The following PHC1 variants were observed in gnomAD, a reference collection of about 807,000 sequenced individuals.
PHC1 encodes polyhomeotic homolog 1.
A neutral mutation model predicts 104.3 loss-of-function variants in PHC1; 12 were observed. That is an observed-to-expected ratio of 0.12 (90% CI 0.07 to 0.19). PHC1 has a LOEUF of 0.19. Among genes scored for constraint, PHC1 ranks in the 10% least tolerant of loss-of-function variants. The pLI, the probability that PHC1 is intolerant of heterozygous loss-of-function variation, is 1.00. For missense variants in PHC1, 671 were observed against 1,200.0 expected, an observed-to-expected ratio of 0.56 and a Z score of 6.51; for synonymous variants, 302 against 455.8, an observed-to-expected ratio of 0.66 and a Z score of 4.30.
At position 8,914,761 on chromosome 12, in the gene PHC1, A is replaced by G. The variant is rs1945150455; in HGVS notation, c.-115A>G. On this transcript the variant is annotated 5_prime_UTR_variant, in exon 1 of 15. Coordinates refer to ENST00000544916, the MANE Select transcript of PHC1 (RefSeq NM_004426.3). The stretch of plus-strand genomic sequence containing the variant: ...AGCGAGCCCCCAGCCCAGCCTGGCG[A>G]CTGGGGACCCCGGCACATGAGGTGG... The G allele has an allele frequency of 6.5e-6, 1 of 153,136 alleles. No individual in the cohort carries two copies. Among genetic ancestry groups the G allele is most frequent in the Non-Finnish European group, 1.5e-5 (1 of 68,104 alleles). The allele number at this position is 153,136 out of a possible 1,614,324, so 9.5% of individuals were successfully genotyped here.
intron 8 of PHC1, 21 bp from the exon 9 acceptor site, chr12:8,933,844 T>C: frequency 6.2e-7 from 1 of 1,600,642 alleles, no homozygotes; most frequent in Non-Finnish European, 8.6e-7. Flanking sequence ...CTTTGTTTCT[T>C]TCCTATTCTT....
chr12:8,926,814 C>T (rs1945524704), intron 6 of PHC1, among the ~76,000 whole-genome samples: 2 of 151,984 alleles, frequency 1.3e-5, no homozygotes, highest in Non-Finnish European at 2.9e-5. Flanking sequence ...ACTTGGGAGG[C>T]TGAGGCAGGA....
intron 6 of PHC1, among the ~76,000 whole-genome samples, chr12:8,924,246 G>A (rs995199485): frequency 6.6e-6 from 1 of 152,146 alleles, no homozygotes; most frequent in Non-Finnish European, 1.5e-5. Flanking sequence ...GGAGGCTGAG[G>A]AGGGTGGATC....
Position 8,937,258 on chromosome 12 carries a change from C to T in PHC1, c.2560C>T (p.Arg854Cys), listed in dbSNP as rs756227858. The change falls in exon 13 of 15, where the codon CGC (arginine) becomes TGC (cysteine). Residue 854 changes from arginine (R) to cysteine (C), a missense_variant. Physicochemically the swap from Arg to Cys is radical, Grantham distance 180. This residue lies in a region of PHC1 where 192 missense variants were observed against 280.5 expected (regional missense o/e 0.68). Coordinates refer to ENST00000544916, the MANE Select transcript of PHC1 (RefSeq NM_004426.3). ...TCAAGAAGCCAACTATGCTCGCGTTCGCAGGCGTGGACCCCGCCGCAGCTC... is the reference window on the plus strand; with the variant it reads ...TCAAGAAGCCAACTATGCTCGCGTTTGCAGGCGTGGACCCCGCCGCAGCTC... The part of the protein sequence containing the change: ...EFQEANYARV[R>C]RRGPRRSSSD... The T allele has an allele frequency of 2.2e-5, 35 of 1,612,708 alleles. No individual in the cohort carries two copies. The highest frequency in any genetic ancestry group is 7.7e-5 in the South Asian group (7 of 90,882).
chr12:8,917,243 G>A (rs1018531167), intron 1 of PHC1, among the ~76,000 whole-genome samples: 3 of 152,170 alleles, frequency 2.0e-5, no homozygotes, highest in African/African-American at 7.2e-5. Context: ...GGATGATAAC[G>A]ATGCAGATGG....
intron 2 of PHC1, among the ~76,000 whole-genome samples, chr12:8,918,704 G>A (rs997864756): frequency 6.6e-6 from 1 of 152,160 alleles, no homozygotes; most frequent in Non-Finnish European, 1.5e-5. Flanking sequence ...GCTATGGCAT[G>A]TATTTCCAGC....
Position 8,937,284 on chromosome 12 carries a change from C to T in PHC1, c.2586C>T (p.Ser862=). 6.2e-7 allele frequency: 1 copy of T among 1,611,912 alleles called. No homozygotes were observed. Among genetic ancestry groups the T allele is most frequent in the Non-Finnish European group, 8.5e-7 (1 of 1,178,972 alleles). ...GCAGGCGTGGACCCCGCCGCAGCTC[C>T]TCTGACATTGCCCGTGCCAAGATTC... is the stretch of plus-strand genomic sequence containing the variant. ...RVRRRGPRRS[S]SDIARAKIQG... is the part of the protein sequence containing the mutation. Residue 862 remains serine (S), a synonymous_variant, in exon 13 of 15, where the codon TCC becomes TCT. Transcript: ENST00000544916.
intron 2 of PHC1, among the ~76,000 whole-genome samples, chr12:8,918,341 T>G (rs937345871): frequency 6.6e-6 from 1 of 152,270 alleles, no homozygotes; most frequent in Non-Finnish European, 1.5e-5. Context: ...CATACTGATA[T>G]GTAAAAATGC....
chr12:8,934,545 TC>T, intron 10 of PHC1, 67 bp downstream of exon 10: 1 of 1,164,496 alleles, frequency 8.6e-7, no homozygotes, highest in Non-Finnish European at 1.2e-6. Context: ...CTTTTCAAAC[TC>T]CAGTAAAAGT....
At position 8,917,649 on chromosome 12, in the gene PHC1, A is replaced by C; in HGVS notation, c.-29A>C. The stretch of plus-strand genomic sequence containing the variant: ...CTCTAGGTCTTGAGTCAGACAGAGC[A>C]CCAGCCTTGGGGACCCTGGACCACT... On this transcript the variant is annotated 5_prime_UTR_variant, in exon 2 of 15. Coordinates refer to ENST00000544916, the MANE Select transcript of PHC1 (RefSeq NM_004426.3). 1 of 1,178,404 alleles carries C rather than the reference A, an allele frequency of 8.5e-7. No homozygotes were observed. Among genetic ancestry groups the C allele is most frequent in the South Asian group, 1.5e-5 (1 of 64,708 alleles). 73.0% of individuals were successfully genotyped at this position (1,178,404 alleles called of 1,614,324 possible). A position where few individuals can be genotyped will look rare whatever the true frequency, so the allele number is the denominator to read the frequency against.
intron 1 of PHC1, among the ~76,000 whole-genome samples, chr12:8,917,039 ATG>A (rs1463012419): frequency 5.3e-5 from 8 of 152,250 alleles, no homozygotes; most frequent in African/African-American, 1.9e-4. Context: ...TTGAAGAAGC[ATG>A]TGTTAGTCCA....
chr12:8,935,171 T>A lies in PHC1; in HGVS notation c.2301T>A (p.Thr767=), dbSNP rs780803310. Residue 767 remains threonine, a synonymous_variant, in exon 11 of 15, where the codon ACT becomes ACA. Transcript: ENST00000544916. ...LLKESEKPLQ[T]GLPTGLTENQ... ...AGGAGTCTGAGAAGCCACTACAGAC[T>A]GGCCTTCCGACAGGGCTGACTGAGA... is the stretch of plus-strand genomic sequence containing the variant. 12 of 1,593,384 alleles carry A rather than the reference T, an allele frequency of 7.5e-6. No individual in the cohort carries two copies. Among genetic ancestry groups the A allele is most frequent in the Non-Finnish European group, 1.0e-5 (12 of 1,167,182 alleles).
At chr12:8,928,487 C>T (rs1488119432) in intron 6 of PHC1, among the ~76,000 whole-genome samples, 1 of 152,160 alleles carries the variant, frequency 6.6e-6, no homozygotes, top group Admixed American at 6.5e-5. Context: ...GTTCCGTCTA[C>T]TGCCTTCCAT....
Position 8,932,335 on chromosome 12 carries a change from G to A in PHC1, c.1106-228G>A, listed in dbSNP as rs1805736. Among the ~76,000 whole-genome samples, 59,638 of 151,998 alleles carry A rather than the reference G, an allele frequency of 0.39. 12,326 individuals are homozygous for A. The highest frequency in any genetic ancestry group is 0.46 in the Middle Eastern group (136 of 294). On this transcript the variant is annotated intron_variant, in intron 7 of 14. Transcript: ENST00000544916. Reference sequence around the variant, plus strand: ...CAGGATCTGAAATGACTGAGCAAGGGAGTTCTTTCTCTGAGATCTTTAAGA... The same window carrying A: ...CAGGATCTGAAATGACTGAGCAAGGAAGTTCTTTCTCTGAGATCTTTAAGA...
Position 8,935,208 on chromosome 12 carries a change from G to T in PHC1, c.2338G>T (p.Gly780Cys). The T allele has an allele frequency of 6.3e-7, 1 of 1,585,054 alleles. No individual in the cohort carries two copies. Among genetic ancestry groups the T allele is most frequent in the Non-Finnish European group, 8.6e-7 (1 of 1,161,148 alleles). Reference protein sequence around the residue: ...PTGLTENQSGGPLGVDSPSAE... With the variant: ...PTGLTENQSGCPLGVDSPSAE... The stretch of plus-strand genomic sequence containing the variant: ...AGGGCTGACTGAGAATCAGTCAGGT[G>T]GCCCTTTGGGAGTGGACAGCCCATC... Residue 780 changes from glycine to cysteine, a missense_variant, in exon 11 of 15, where the codon GGC becomes TGC. Physicochemically the swap from Gly to Cys is radical, Grantham distance 159 (BLOSUM62 -3). Transcript: ENST00000544916.
At chr12:8,929,269 T>C (rs1245715519) in intron 6 of PHC1, among the ~76,000 whole-genome samples, 2 of 152,204 alleles carry the variant, frequency 1.3e-5, no homozygotes, top group Non-Finnish European at 2.9e-5. Context: ...GTGCCGGAAC[T>C]GTGAAGGTGC....
chr12:8,920,691 G>C (rs890728700), intron 3 of PHC1, among the ~76,000 whole-genome samples: 1 of 152,192 alleles, frequency 6.6e-6, no homozygotes, highest in Non-Finnish European at 1.5e-5. Flanking sequence ...CTGGGTGAAA[G>C]AGCGAGACTC....
At position 8,933,981 on chromosome 12, in the gene PHC1, A is replaced by C. The variant is rs767280303; in HGVS notation, c.2010A>C (p.Pro670=). ...AGGCATCTCCAGTAGCAGAAAGCCC[A>C]AAAGTCATGGACGAGAAGAGCAGTC... ...PAKASPVAES[P]KVMDEKSSLG... Residue 670 remains proline (P), a synonymous_variant, in exon 9 of 15, where the codon CCA becomes CCC. Transcript: ENST00000544916. The C allele has an allele frequency of 6.2e-6, 10 of 1,613,946 alleles. No homozygotes were observed. Among genetic ancestry groups the C allele is most frequent in the African/African-American group, 1.3e-5 (1 of 74,936 alleles).
chr12:8,928,504 C>T (rs1218387123), intron 6 of PHC1, among the ~76,000 whole-genome samples: 2 of 152,168 alleles, frequency 1.3e-5, no homozygotes, highest in Non-Finnish European at 2.9e-5. Flanking sequence ...CCATTACCCA[C>T]AGTAACGAGC....
Sources: allele counts gnomAD v4.1 joint callset (sites outside exome capture counted in the v4.1 genomes callset), GRCh38; gene constraint gnomAD v4.1.1; regional missense constraint gnomAD v4.1.1; transcripts MANE v1.5; gene names NCBI Gene and HGNC (gene_info 2026-07-23, HGNC 2026-07-21).